The following TANK variants were observed in gnomAD, a reference collection of about 807,000 sequenced individuals.
TANK encodes the protein TRAF family member-associated NF-kappa-B activator.
In TANK, 15 loss-of-function variants were observed where a neutral mutation model predicts 43.6. The ratio of observed to expected loss-of-function variants is 0.34; its 90% CI spans 0.23 to 0.53. The LOEUF is 0.53. Ranked by LOEUF, TANK falls within the 20% of genes least tolerant of loss-of-function variation. The probability of loss-of-function intolerance (pLI) is 0.94; values close to 1 mark genes in which losing one functional copy is unlikely to be tolerated. For missense variants in TANK, 417 were observed against 498.6 expected (o/e 0.84, Z 1.56); for synonymous variants, 162 against 178.2 (o/e 0.91, Z 0.73).
intron 1 of TANK, among the ~76,000 whole-genome samples, chr2:161,176,116 G>A (rs889915): frequency 0.11 from 17,295 of 152,134 alleles, 1,694 homozygotes; most frequent in African/African-American, 0.26. Context: ...TTTACTATAA[G>A]TAAAAAGCAT....
chr2:161,172,319 C>G (rs926319193), intron 1 of TANK, among the ~76,000 whole-genome samples: 1 of 133,862 alleles, frequency 7.5e-6, no homozygotes, highest in Non-Finnish European at 1.6e-5. Context: ...TTGCTTTTCT[C>G]TATTGTTTTC....
intron 1 of TANK, among the ~76,000 whole-genome samples, chr2:161,151,149 G>A (rs1385130326): frequency 2.0e-5 from 3 of 152,122 alleles, no homozygotes; most frequent in Non-Finnish European, 2.9e-5. Flanking sequence ...TACTTTGTAT[G>A]ATTTCAATCT....
Position 161,181,084 on chromosome 2 carries a change from A to G in TANK, c.99+1323A>G, listed in dbSNP as rs543162827. Reference sequence around the variant, plus strand: ...TTCAAAAGCCAGGTTCCCAAATGCCAGCTGTATTAGTCTGTTCTCACACTG... The same window carrying G: ...TTCAAAAGCCAGGTTCCCAAATGCCGGCTGTATTAGTCTGTTCTCACACTG... On this transcript the variant is annotated intron_variant, in intron 2 of 7. Transcript: ENST00000392749. 3.3e-5 allele frequency among the ~76,000 whole-genome samples: 5 copies of G among 152,246 alleles called. No individual in the cohort carries two copies. The East Asian group carries it at 5.8e-4, about 18-fold the overall frequency.
At chr2:161,190,388 A>G (rs1025498654) in intron 2 of TANK, among the ~76,000 whole-genome samples, 4 of 152,184 alleles carry the variant, frequency 2.6e-5, no homozygotes, top group Admixed American at 6.5e-5. Flanking sequence ...GGAAAATGGT[A>G]TGGCAATTCT....
intron 4 of TANK, among the ~76,000 whole-genome samples, chr2:161,220,633 A>G (rs1374566649): frequency 6.6e-6 from 1 of 152,152 alleles, no homozygotes; most frequent in Admixed American, 6.5e-5. Context: ...CTGTAACTCA[A>G]TTTTATTTTG....
intron 4 of TANK, chr2:161,219,574 T>C: frequency 3.6e-6 from 1 of 279,844 alleles, no homozygotes; most frequent in South Asian, 3.4e-5. Context: ...TACAATATTC[T>C]ATTTTTTTAT....
chr2:161,203,142 G>A (rs181169467), intron 2 of TANK, among the ~76,000 whole-genome samples: 1 of 151,640 alleles, frequency 6.6e-6, no homozygotes, highest in African/African-American at 2.4e-5. Flanking sequence ...CTTTAATATA[G>A]CATCTGTTGT....
chr2:161,138,198 ATTAAG>A (rs979752822), intron 1 of TANK, among the ~76,000 whole-genome samples: 4 of 152,204 alleles, frequency 2.6e-5, no homozygotes, highest in Non-Finnish European at 4.4e-5. Context: ...GTAATATTTC[ATTAAG>A]TTATTTTCTT....
chr2:161,232,830 G>C, intron 7 of TANK: 1 of 1,550,326 alleles, frequency 6.5e-7, no homozygotes, highest in Non-Finnish European at 8.7e-7. Flanking sequence ...ACAACTTGAT[G>C]GAAAAGTATT....
In TANK at chr2:161,225,045, A is replaced by G. The variant is rs545184835; in HGVS notation, c.520+299A>G. ...AAAATACAAAATAAATACAGACTATATCCCTGAAAGTTTTCAGTTGTTTTT... is the reference window on the plus strand; with the variant it reads ...AAAATACAAAATAAATACAGACTATGTCCCTGAAAGTTTTCAGTTGTTTTT... On this transcript the variant is annotated intron_variant, in intron 6 of 7. Coordinates refer to ENST00000392749, the MANE Select transcript of TANK (RefSeq NM_001199135.3). Among the ~76,000 whole-genome samples the G allele has an allele frequency of 2.0e-4, 30 of 152,294 alleles. No homozygotes were observed. In the East Asian group the frequency reaches 5.8e-3, roughly 29 times the overall value.
chr2:161,223,460 C>G (rs1011300088), intron 4 of TANK: 4 of 152,142 alleles, frequency 2.6e-5, no homozygotes, highest in African/African-American at 9.7e-5. Context: ...TCCTTTAATA[C>G]AGCTGCATTC....
chr2:161,167,789 A>AT (rs2105265932), intron 1 of TANK, among the ~76,000 whole-genome samples: 1 of 151,834 alleles, frequency 6.6e-6, no homozygotes, highest in African/African-American at 2.4e-5. Context: ...CGACCGGCTA[A>AT]TTTTTTTGTA....
intron 3 of TANK, among the ~76,000 whole-genome samples, chr2:161,204,031 A>G (rs1345975472): frequency 2.0e-5 from 3 of 152,202 alleles, no homozygotes; most frequent in African/African-American, 7.2e-5. Context: ...ATCTATATGA[A>G]TAGCTATGTA....
At chr2:161,190,220 C>T (rs989955034) in intron 2 of TANK, among the ~76,000 whole-genome samples, 2 of 152,162 alleles carry the variant, frequency 1.3e-5, no homozygotes, top group Admixed American at 6.5e-5. Context: ...AAAAGATGCT[C>T]AGCATCCCTA....
intron 7 of TANK, among the ~76,000 whole-genome samples, chr2:161,234,474 T>G (rs1688075617): frequency 6.6e-6 from 1 of 152,234 alleles, no homozygotes; most frequent in Non-Finnish European, 1.5e-5. Context: ...AACAGACATC[T>G]ATTGTGTAGC....
intron 1 of TANK, among the ~76,000 whole-genome samples, chr2:161,178,432 T>G (rs905295564): frequency 1.3e-5 from 2 of 151,374 alleles, no homozygotes; most frequent in African/African-American, 4.9e-5. Flanking sequence ...TCCATTTATA[T>G]GCAGTGTCAA....
chr2:161,161,285 G>A (rs1684421755), intron 1 of TANK: 1 of 1,550,452 alleles, frequency 6.4e-7, no homozygotes, highest in African/African-American at 1.4e-5. Flanking sequence ...CACCTCACAG[G>A]AGATGCTTTT....
At chr2:161,179,939 T>TA (rs1553486172) in intron 2 of TANK, 178 bp downstream of exon 2, 1 of 1,284,226 alleles carries the variant, frequency 7.8e-7, no homozygotes, top group Non-Finnish European at 9.8e-7. Context: ...TTTTTAAAAA[T>TA]ATTGCAACCC....
intron 1 of TANK, among the ~76,000 whole-genome samples, chr2:161,143,649 G>A (rs142989137): frequency 0.015 from 2,293 of 151,976 alleles, 62 homozygotes; most frequent in African/African-American, 0.052. Flanking sequence ...CCAACCTTGC[G>A]TCCCAGGGAT....
Sources: allele counts gnomAD v4.1 joint callset (sites outside exome capture counted in the v4.1 genomes callset), GRCh38; gene constraint gnomAD v4.1.1; transcripts MANE v1.5; gene names NCBI Gene and HGNC (gene_info 2026-07-23, HGNC 2026-07-21).